The following NRAP variants were observed in gnomAD, a reference collection of about 807,000 sequenced individuals.
NRAP encodes nebulin-related-anchoring protein.
Under a neutral mutation model 225.9 loss-of-function variants are expected in NRAP, and 189 were observed. The ratio of observed to expected loss-of-function variants is 0.84; its 90% CI spans 0.74 to 0.94. The LOEUF is 0.94. Ranked by LOEUF, NRAP falls within the 40% of genes least tolerant of loss-of-function variation. NRAP has a pLI of 0.00. For synonymous variants in NRAP, 769 were observed against 790.7 expected (o/e 0.97, Z 0.46); for missense variants, 2,176 against 2,168.7 (o/e 1.00, Z -0.07).
intron 3 of NRAP, among the ~76,000 whole-genome samples, chr10:113,658,899 A>G (rs1850486861): frequency 6.7e-6 from 1 of 148,462 alleles, no homozygotes; most frequent in South Asian, 2.1e-4. Flanking sequence ...AAAAAAAAAA[A>G]GAAAGAAAGA....
intron 3 of NRAP, among the ~76,000 whole-genome samples, chr10:113,658,896 A>AAAG (rs1850486263): frequency 2.6e-5 from 4 of 151,344 alleles, no homozygotes; most frequent in African/African-American, 9.7e-5. Flanking sequence ...AAAAAAAAAA[A>AAAG]AAAGAAAGAA....
At chr10:113,660,904 A>AAG (rs1850634078) in intron 3 of NRAP, among the ~76,000 whole-genome samples, 1 of 152,204 alleles carries the variant, frequency 6.6e-6, no homozygotes, top group African/African-American at 2.4e-5. Flanking sequence ...TAAACTAGGC[A>AAG]GGTTACTTAA....
intron 20 of NRAP, among the ~76,000 whole-genome samples, chr10:113,628,203 T>C (rs1848387802): frequency 6.6e-6 from 1 of 152,164 alleles, no homozygotes; most frequent in Non-Finnish European, 1.5e-5. Flanking sequence ...ATTTATTCTT[T>C]CTGAGACAGA....
In NRAP at chr10:113,589,044, C is replaced by T. The variant is rs544217656; in HGVS notation, c.5124G>A (p.Gln1708=). 5.0e-6 allele frequency: 8 copies of T among 1,614,102 alleles called. No homozygotes were observed. The East Asian group carries it at 1.8e-4, about 36-fold the overall frequency. Residue 1708 remains glutamine (Q), a synonymous_variant, in exon 42 of 42, where the codon CAG becomes CAA. Coordinates refer to ENST00000359988, the MANE Select transcript of NRAP (RefSeq NM_198060.4). ...TGGCATCTGGGTTCACCTCCCCACT[C>T]TGATGATCTCCAGCCTCCACTGCTT... The part of the protein sequence containing the change: ...GAEAVEAGDH[Q]SGEVNPDATE...
At chr10:113,611,240 A>G (rs1031092353) in intron 30 of NRAP, among the ~76,000 whole-genome samples, 2 of 151,922 alleles carry the variant, frequency 1.3e-5, no homozygotes, top group Non-Finnish European at 2.9e-5. Context: ...CCTCGTTCCT[A>G]CAGCTGCTCT....
chr10:113,625,579 A>G (rs1333760805), intron 21 of NRAP, among the ~76,000 whole-genome samples: 2 of 152,184 alleles, frequency 1.3e-5, no homozygotes, highest in Admixed American at 1.3e-4. Flanking sequence ...GATTGCAGCA[A>G]CTATGGTCCT....
intron 20 of NRAP, among the ~76,000 whole-genome samples, chr10:113,627,685 G>A (rs920911758): frequency 9.2e-5 from 14 of 152,204 alleles, no homozygotes; most frequent in Admixed American, 6.5e-5. Context: ...TACAAGATAA[G>A]CTTTTGAGAT....
intron 32 of NRAP, among the ~76,000 whole-genome samples, chr10:113,607,399 C>CAAAAAAAAAAAAAAAAAA (rs543627940): frequency 1.0e-3 from 70 of 68,602 alleles, no homozygotes; most frequent in Non-Finnish European, 1.2e-3. Context: ...GAAACTCCGT[C>CAAAAAAAAAAAAAAAAAA]AAAAAAAAAA....
rs1410124091 is a variant in NRAP, at chr10:113,608,334, A to T, written c.3702+80T>A. 3.6e-6 allele frequency: 3 copies of T among 841,148 alleles called. No homozygotes were observed. The African/African-American group carries it at 5.1e-5, about 14-fold the overall frequency. The allele number at this position is 841,148 out of a possible 1,614,324, so 52.1% of individuals were successfully genotyped here. A position where few individuals can be genotyped will look rare whatever the true frequency, so the allele number is the denominator to read the frequency against. On this transcript the variant is annotated intron_variant, in intron 32 of 41. Coordinates refer to ENST00000359988, the MANE Select transcript of NRAP (RefSeq NM_198060.4). ...CACATAAACACCCATGCTCTTTCTCACCCCAAACACATTCACGTGTATTTT... is the reference window on the plus strand; with the variant it reads ...CACATAAACACCCATGCTCTTTCTCTCCCCAAACACATTCACGTGTATTTT...
chr10:113,611,413 C>A (rs1847315955), intron 30 of NRAP, among the ~76,000 whole-genome samples: 1 of 152,202 alleles, frequency 6.6e-6, no homozygotes, highest in Admixed American at 6.5e-5. Context: ...GGCCCATTAC[C>A]TGCAAATCTC....
intron 12 of NRAP, 133 bp from the exon 13 acceptor site, chr10:113,641,605 C>T (rs983936629): frequency 2.6e-5 from 15 of 582,298 alleles, no homozygotes; most frequent in Non-Finnish European, 3.6e-5. Flanking sequence ...CAACGTATCA[C>T]AGAATAAAAA....
At position 113,643,039 on chromosome 10, in the gene NRAP, C is replaced by T; in HGVS notation, c.1111-1G>A. 6.7e-7 allele frequency: 1 copy of T among 1,495,492 alleles called. No individual in the cohort carries two copies. 92.6% of individuals were successfully genotyped at this position (1,495,492 alleles called of 1,614,324 possible). On this transcript the variant is annotated splice_acceptor_variant, in intron 11 of 41. Coordinates refer to ENST00000359988, the MANE Select transcript of NRAP (RefSeq NM_198060.4). LOFTEE classifies it high-confidence loss of function. Reference sequence around the variant, plus strand: ...TTTCCAGATCCTTCTTATACTCCACCTTGGAAATCAAAACACCAGACACAC... The same window carrying T: ...TTTCCAGATCCTTCTTATACTCCACTTTGGAAATCAAAACACCAGACACAC...
rs370742966 is a variant in NRAP at position 113,589,695 on chromosome 10, C to A, written c.5059G>T (p.Ala1687Ser). 36 of 1,613,964 alleles carry A rather than the reference C, an allele frequency of 2.2e-5. No homozygotes were observed. Among genetic ancestry groups the A allele is most frequent in the Admixed American group, 5.0e-5 (3 of 59,998 alleles). The change falls in exon 41 of 42, where the codon GCA (alanine) becomes TCA (serine). Residue 1687 changes from alanine (A) to serine (S), a missense_variant. By Grantham distance (99) the Ala-to-Ser change is moderately conservative. Coordinates refer to ENST00000359988, the MANE Select transcript of NRAP (RefSeq NM_198060.4). ...GCTCCCTGGAGACCCAGGCCCCTTG[C>A]GTTGGCCAGTTCCGCAGCCCGCCGA... is the stretch of plus-strand genomic sequence containing the variant. ...MARRAAELAN[A>S]RGLGLQGAYR... is the part of the protein sequence containing the mutation.
intron 3 of NRAP, 131 bp from the exon 4 acceptor site, chr10:113,657,705 G>A: frequency 3.0e-6 from 2 of 659,618 alleles, no homozygotes; most frequent in South Asian, 1.7e-5. Flanking sequence ...GTGCTGCAAG[G>A]CACACTGTGC....
chr10:113,596,763 T>C (rs1241907143), intron 37 of NRAP, among the ~76,000 whole-genome samples: 3 of 152,220 alleles, frequency 2.0e-5, no homozygotes, highest in East Asian at 3.8e-4. Flanking sequence ...GAACTTACTG[T>C]GTTCTATGTA....
chr10:113,601,934 G>A (rs186301064), intron 35 of NRAP, among the ~76,000 whole-genome samples: 16 of 152,262 alleles, frequency 1.1e-4, no homozygotes, highest in Non-Finnish European at 1.9e-4. Context: ...CACCCAGGCT[G>A]AAGTGCAGTA....
intron 35 of NRAP, among the ~76,000 whole-genome samples, chr10:113,600,155 T>TTCTC (rs10529111): frequency 0.13 from 18,603 of 140,170 alleles, 1,441 homozygotes; most frequent in Admixed American, 0.23. Flanking sequence ...AGGGGTTATA[T>TTCTC]TCTCTCTCTC....
intron 29 of NRAP, among the ~76,000 whole-genome samples, chr10:113,613,616 C>A (rs1390526734): frequency 6.6e-6 from 1 of 152,122 alleles, no homozygotes. Flanking sequence ...GGGTCACAAC[C>A]AACAATGACA....
chr10:113,601,076 C>T (rs1438715456), intron 35 of NRAP, among the ~76,000 whole-genome samples: 1 of 152,204 alleles, frequency 6.6e-6, no homozygotes, highest in Non-Finnish European at 1.5e-5. Flanking sequence ...CAGGCAACAG[C>T]CGACTTGAGA....
Sources: allele counts gnomAD v4.1 joint callset (sites outside exome capture counted in the v4.1 genomes callset), GRCh38; gene constraint gnomAD v4.1.1; transcripts MANE v1.5; gene names NCBI Gene and HGNC (gene_info 2026-07-23, HGNC 2026-07-21).